The following ACTMAP variants were observed in gnomAD, a reference collection of about 807,000 sequenced individuals.
ACTMAP encodes actin maturation protease, also known as UPF0692 protein C19orf54.
the ACTMAP span, chr19:40,749,878 G>T: frequency 2.7e-5 from 32 of 1,173,490 alleles, no homozygotes; most frequent in Non-Finnish European, 3.4e-5. Flanking sequence ...AACGGTCTCA[G>T]GGATGGAGAT....
At chr19:40,749,941 G>GA in the ACTMAP span, 1 of 660,408 alleles carries the variant, frequency 1.5e-6, no homozygotes, top group Non-Finnish European at 2.4e-6. Context: ...CAGTGGGTGT[G>GA]AAAGGACCAG....
chr19:40,745,271 G>A, the ACTMAP span: 1 of 1,462,022 alleles, frequency 6.8e-7, no homozygotes, highest in Non-Finnish European at 9.4e-7. Context: ...CTGGCTGGGA[G>A]TGGTCGTATC....
At chr19:40,744,236 G>A in the ACTMAP span, 5 of 1,512,542 alleles carry the variant, frequency 3.3e-6, no homozygotes, top group Non-Finnish European at 4.4e-6. Flanking sequence ...TGCTGCATGT[G>A]CCCAGCACCG....
chr19:40,746,323 G>A, the ACTMAP span, among the ~76,000 whole-genome samples: 3 of 151,398 alleles, frequency 2.0e-5, no homozygotes, highest in Non-Finnish European at 3.0e-5. Flanking sequence ...GGGTTCAAGC[G>A]ATTCTCCTGC....
chr19:40,742,317 G>A, the ACTMAP span: 1 of 1,065,110 alleles, frequency 9.4e-7, no homozygotes, highest in Admixed American at 2.5e-5. Flanking sequence ...TGATGAAGGA[G>A]GACTGGAGAC....
the ACTMAP span, among the ~76,000 whole-genome samples, chr19:40,746,683 T>C: frequency 6.6e-6 from 1 of 152,196 alleles, no homozygotes; most frequent in Admixed American, 6.5e-5. Context: ...CCCTTTTTTG[T>C]ATTTTTAGTA....
chr19:40,746,519 G>C, the ACTMAP span, among the ~76,000 whole-genome samples: 1 of 152,096 alleles, frequency 6.6e-6, no homozygotes, highest in African/African-American at 2.4e-5. Context: ...GGGACTGCAG[G>C]CTCCCGCCAC....
the ACTMAP span, chr19:40,742,568 C>T: frequency 3.4e-5 from 54 of 1,604,680 alleles, 1 homozygote; most frequent in Admixed American, 7.6e-4. Flanking sequence ...GCAGGTTGCT[C>T]TCCCGGACCT....
the ACTMAP span, chr19:40,742,871 A>T: frequency 8.5e-7 from 1 of 1,178,182 alleles, no homozygotes; most frequent in Admixed American, 2.4e-5. Flanking sequence ...GGGTGGGTGC[A>T]GCTGCCATTC....
the ACTMAP span, chr19:40,744,787 CT>C: frequency 7.0e-7 from 1 of 1,432,982 alleles, no homozygotes; most frequent in Non-Finnish European, 9.2e-7. Flanking sequence ...TCCCCCTCCC[CT>C]CTCCCAGGCC....
At chr19:40,744,151 G>A in the ACTMAP span, 14 of 1,608,542 alleles carry the variant, frequency 8.7e-6, no homozygotes, top group African/African-American at 1.3e-5. Flanking sequence ...GAGCAGCTTG[G>A]CCTGGCAGCC....
chr19:40,743,889 A>G, the ACTMAP span: 1 of 1,613,636 alleles, frequency 6.2e-7, no homozygotes, highest in Non-Finnish European at 8.5e-7. Context: ...GTGCAGACAA[A>G]GGAGGGGGAA....
chr19:40,741,210 G>T, the ACTMAP span: 1 of 383,286 alleles, frequency 2.6e-6, no homozygotes, highest in Admixed American at 4.3e-5. Flanking sequence ...GGGAGGCCGA[G>T]GCGGGTGGAT....
chr19:40,749,413 C>CG, the ACTMAP span: 60 of 1,429,914 alleles, frequency 4.2e-5, 1 homozygote, highest in Admixed American at 7.5e-5. Context: ...AACCCCCCCC[C>CG]CACCCCAAGA....
chr19:40,748,431 G>A, the ACTMAP span, among the ~76,000 whole-genome samples: 4 of 151,908 alleles, frequency 2.6e-5, no homozygotes, highest in South Asian at 4.2e-4. Context: ...CTGGCAAGTC[G>A]CTTCTCCCTC....
chr19:40,749,109 G>A, the ACTMAP span, among the ~76,000 whole-genome samples: 2 of 150,208 alleles, frequency 1.3e-5, no homozygotes. Flanking sequence ...TCCCGCCTCA[G>A]CCTCCCGAGT....
chr19:40,750,070 T>C, the ACTMAP span: 1 of 387,822 alleles, frequency 2.6e-6, no homozygotes, highest in African/African-American at 2.1e-5. Context: ...ACCGGTTGGG[T>C]TACCTCGGGA....
the ACTMAP span, chr19:40,742,446 T>A: frequency 6.8e-7 from 1 of 1,463,664 alleles, no homozygotes; most frequent in Admixed American, 2.7e-5. Context: ...ATGGCTGCAG[T>A]CCTGTGGTGT....
the ACTMAP span, chr19:40,749,534 C>G: frequency 1.9e-6 from 3 of 1,551,132 alleles, no homozygotes; most frequent in Non-Finnish European, 2.6e-6. Flanking sequence ...CCTTGGGGAC[C>G]GGGCCGGCCT....
Sources: gnomAD v4.1 joint callset for allele counts (sites outside exome capture counted in the v4.1 genomes callset) on GRCh38, gnomAD v4.1.1 for gene constraint, MANE v1.5 for transcripts, NCBI Gene and HGNC (gene_info 2026-07-23, HGNC 2026-07-21) for gene names.